The following CAPSL variants were observed in gnomAD, a reference collection of about 807,000 sequenced individuals.
The protein encoded by CAPSL is calcyphosine like, also known as calcyphosin-like protein.
A neutral mutation model predicts 21.3 loss-of-function variants in CAPSL; 17 were observed. The observed-to-expected ratio is 0.80, with a 90% CI of 0.55 to 1.20. The LOEUF is 1.20. Among genes scored for constraint, CAPSL ranks in the 50% most tolerant of loss-of-function variants. The pLI is 0.00. For synonymous variants in CAPSL, 102 were observed against 89.3 expected, an observed-to-expected ratio of 1.14 and a Z score of -0.80; for missense variants, 289 against 259.3, an observed-to-expected ratio of 1.11 and a Z score of -0.79.
rs1477417265 is a variant in CAPSL, at chr5:35,927,252, T to C, written c.1-6132A>G. Among the ~76,000 whole-genome samples, 4 of 152,174 alleles carry C rather than the reference T, an allele frequency of 2.6e-5. No individual in the cohort carries two copies. The South Asian group carries it at 8.3e-4, about 32-fold the overall frequency. On this transcript the variant is annotated intron_variant, in intron 1 of 4. Coordinates refer to ENST00000651391, the MANE Select transcript of CAPSL (RefSeq NM_001042625.2). The stretch of plus-strand genomic sequence containing the variant: ...ACAACAGCAGCCGTCTGCAGTCCAA[T>C]TGTTCCGAGCCTCTGTCCCACCTCT...
chr5:35,910,696 C>A (rs550433833), intron 2 of CAPSL, among the ~76,000 whole-genome samples, 153 bp from the exon 3 acceptor site: 1 of 152,124 alleles, frequency 6.6e-6, no homozygotes, highest in Admixed American at 6.5e-5. Context: ...AACTGGAGAG[C>A]CTCTTCCCAC....
chr5:35,917,931 G>T (rs1249198078), intron 2 of CAPSL, among the ~76,000 whole-genome samples: 2 of 152,112 alleles, frequency 1.3e-5, no homozygotes, highest in Non-Finnish European at 2.9e-5. Flanking sequence ...CAGTTAGAAT[G>T]GTGATCATTA....
At chr5:35,904,739 A>G in intron 4 of CAPSL, 93 bp from the exon 5 acceptor site, 1 of 1,538,874 alleles carries the variant, frequency 6.5e-7, no homozygotes, top group South Asian at 1.3e-5. Context: ...GAAGGGAAAT[A>G]GAGGATTTCT....
Position 35,919,931 on chromosome 5 carries a change from G to T in CAPSL, c.137+1053C>A, listed in dbSNP as rs896811937. On this transcript the variant is annotated intron_variant, in intron 2 of 4. Transcript: ENST00000651391. ...GAGTGAACCAGAGAGTGGAAGAGAG[G>T]ATTCCTCAAGGGTTTGCACTAAGGA... 2.6e-5 allele frequency among the ~76,000 whole-genome samples: 4 copies of T among 152,150 alleles called. No homozygotes were observed. In the South Asian group the frequency reaches 6.2e-4, roughly 24 times the overall value.
At chr5:35,908,024 G>T (rs1300925622) in intron 4 of CAPSL, among the ~76,000 whole-genome samples, 1 of 152,240 alleles carries the variant, frequency 6.6e-6, no homozygotes, top group Non-Finnish European at 1.5e-5. Flanking sequence ...TCCCTGGTAA[G>T]CCCTTAGCAA....
intron 2 of CAPSL, among the ~76,000 whole-genome samples, chr5:35,913,483 A>G (rs915638044): frequency 6.6e-6 from 1 of 152,218 alleles, no homozygotes; most frequent in Non-Finnish European, 1.5e-5. Context: ...CACAAAGGGA[A>G]GCCCATCAGA....
chr5:35,905,793 T>C (rs1168531258), intron 4 of CAPSL, among the ~76,000 whole-genome samples: 1 of 152,212 alleles, frequency 6.6e-6, no homozygotes, highest in East Asian at 1.9e-4. Flanking sequence ...GAAATGTTTA[T>C]CAGTGTGGGT....
intron 2 of CAPSL, among the ~76,000 whole-genome samples, chr5:35,919,548 G>A (rs1019306007): frequency 6.6e-6 from 1 of 152,160 alleles, no homozygotes; most frequent in African/African-American, 2.4e-5. Flanking sequence ...TGTGCAGGGG[G>A]GATGATGGCA....
chr5:35,910,186 G>T, intron 3 of CAPSL, 111 bp from the exon 4 acceptor site: 1 of 1,125,360 alleles, frequency 8.9e-7, no homozygotes, highest in Non-Finnish European at 1.3e-6. Context: ...TAATATTTGT[G>T]TGCTATTATG....
chr5:35,928,799 G>A (rs560521014), intron 1 of CAPSL, among the ~76,000 whole-genome samples: 212 of 152,288 alleles, frequency 1.4e-3, no homozygotes, highest in African/African-American at 4.9e-3. Context: ...AGAGATGTCC[G>A]CAGTGCTGAA....
chr5:35,905,908 G>A (rs796351080), intron 4 of CAPSL, among the ~76,000 whole-genome samples: 3 of 152,282 alleles, frequency 2.0e-5, no homozygotes, highest in African/African-American at 7.2e-5. Flanking sequence ...AGGTGGTTGT[G>A]GAATTTACTT....
At chr5:35,934,796 C>T (rs987407222) in intron 1 of CAPSL, among the ~76,000 whole-genome samples, 154 of 152,270 alleles carry the variant, frequency 1.0e-3, no homozygotes, top group African/African-American at 3.7e-3. Flanking sequence ...TTCCTTATTC[C>T]TACCCACACT....
At chr5:35,904,690 A>G in intron 4 of CAPSL, 44 bp from the exon 5 acceptor site, 3 of 1,608,882 alleles carry the variant, frequency 1.9e-6, no homozygotes, top group Non-Finnish European at 2.5e-6. Context: ...TTTGCTTCTC[A>G]CTCTGTCAAT....
chr5:35,935,385 C>T (rs1001778025), intron 1 of CAPSL, among the ~76,000 whole-genome samples: 27 of 150,772 alleles, frequency 1.8e-4, no homozygotes, highest in African/African-American at 4.4e-4. Context: ...CAGGCTGGAG[C>T]GCAGTGGTGT....
chr5:35,919,778 C>T (rs1738488164), intron 2 of CAPSL, among the ~76,000 whole-genome samples: 1 of 152,178 alleles, frequency 6.6e-6, no homozygotes, highest in African/African-American at 2.4e-5. Context: ...ATGGCACATT[C>T]TGCAAAAGGC....
intron 2 of CAPSL, among the ~76,000 whole-genome samples, chr5:35,914,068 G>C (rs1309726074): frequency 1.3e-5 from 2 of 152,250 alleles, no homozygotes; most frequent in African/African-American, 2.4e-5. Flanking sequence ...CCTAGTCTCT[G>C]ATAAAACAGA....
At chr5:35,919,633 G>T (rs1219138541) in intron 2 of CAPSL, among the ~76,000 whole-genome samples, 6 of 152,168 alleles carry the variant, frequency 3.9e-5, no homozygotes, top group Non-Finnish European at 8.8e-5. Flanking sequence ...GGGTGTGTAT[G>T]ACCTGGGATT....
intron 4 of CAPSL, among the ~76,000 whole-genome samples, chr5:35,908,157 A>G (rs894655526): frequency 2.0e-5 from 3 of 152,220 alleles, no homozygotes; most frequent in African/African-American, 7.2e-5. Flanking sequence ...AGAGCTAAGG[A>G]TCACAAATAC....
At chr5:35,926,775 T>C (rs748930218) in intron 1 of CAPSL, among the ~76,000 whole-genome samples, 38 of 152,214 alleles carry the variant, frequency 2.5e-4, no homozygotes, top group Admixed American at 1.3e-3. Context: ...ATCCAGACAC[T>C]ATAAGGCACC....
Sources: allele counts gnomAD v4.1 joint callset (sites outside exome capture counted in the v4.1 genomes callset), GRCh38; gene constraint gnomAD v4.1.1; transcripts MANE v1.5; gene names NCBI Gene and HGNC (gene_info 2026-07-23, HGNC 2026-07-21).